SMYD3: variants seen among roughly 807,000 people sequenced by gnomAD.
The protein encoded by SMYD3 is histone-lysine N-methyltransferase SMYD3.
Under a neutral mutation model 57.7 loss-of-function variants are expected in SMYD3, and 36 were observed. That is an observed-to-expected ratio of 0.62 (90% CI 0.48 to 0.82). The LOEUF is 0.82. Ranked by LOEUF, SMYD3 falls within the 40% of genes least tolerant of loss-of-function variation. The probability of loss-of-function intolerance (pLI) is 0.00; values close to 1 mark genes in which losing one functional copy is unlikely to be tolerated. For missense variants in SMYD3, 515 were observed against 538.8 expected (o/e 0.96, Z 0.44); for synonymous variants, 211 against 195.0 (o/e 1.08, Z -0.68).
chr1:246,171,575 C>T (rs1423313825), intron 5 of SMYD3, among the ~76,000 whole-genome samples: 1 of 151,846 alleles, frequency 6.6e-6, no homozygotes, highest in Non-Finnish European at 1.5e-5. Flanking sequence ...TACTACACAC[C>T]TGGGCTACAT....
At chr1:246,219,893 G>T (rs1410031699) in intron 5 of SMYD3, among the ~76,000 whole-genome samples, 1 of 152,088 alleles carries the variant, frequency 6.6e-6, no homozygotes. Flanking sequence ...TGCTGGTGCC[G>T]TAGTGGCTGG....
chr1:246,473,869 T>A (rs2067992610), intron 1 of SMYD3, among the ~76,000 whole-genome samples: 1 of 152,176 alleles, frequency 6.6e-6, no homozygotes, highest in African/African-American at 2.4e-5. Flanking sequence ...CAAATGAGGT[T>A]TGTCTTTGTT....
At chr1:246,378,853 T>TATATATATACTATATAATTA (rs2066337987) in intron 1 of SMYD3, among the ~76,000 whole-genome samples, 2 of 121,916 alleles carry the variant, frequency 1.6e-5, no homozygotes, top group Non-Finnish European at 3.3e-5. Flanking sequence ...TATAATATAT[T>TATATATATACTATATAATTA]TATATAGTAT....
intron 11 of SMYD3, among the ~76,000 whole-genome samples, chr1:245,754,765 A>T (rs1476318305): frequency 3.3e-5 from 5 of 152,226 alleles, no homozygotes; most frequent in Non-Finnish European, 4.4e-5. Flanking sequence ...CATTCACTCA[A>T]TACTGTCTGA....
At chr1:245,852,666 T>G (rs1471836678) in intron 10 of SMYD3, among the ~76,000 whole-genome samples, 1 of 152,178 alleles carries the variant, frequency 6.6e-6, no homozygotes, top group African/African-American at 2.4e-5. Flanking sequence ...TTCTTCATCT[T>G]CCCTCTTTCT....
intron 5 of SMYD3, among the ~76,000 whole-genome samples, chr1:245,953,709 G>A (rs2057739775): frequency 6.6e-6 from 1 of 152,036 alleles, no homozygotes; most frequent in African/African-American, 2.4e-5. Context: ...ATGAGCCACC[G>A]TGCCTGGCCA....
intron 5 of SMYD3, among the ~76,000 whole-genome samples, chr1:246,041,847 C>T (rs986897388): frequency 2.0e-5 from 3 of 151,860 alleles, no homozygotes; most frequent in Non-Finnish European, 2.9e-5. Flanking sequence ...TAAATACATA[C>T]GCTTTAATCA....
intron 5 of SMYD3, among the ~76,000 whole-genome samples, chr1:246,124,119 G>T (rs1443833037): frequency 6.6e-6 from 1 of 152,154 alleles, no homozygotes; most frequent in African/African-American, 2.4e-5. Context: ...TTGAATTAAT[G>T]ATGAATTATC....
rs112580989 is a variant in SMYD3, at chr1:245,846,837, C to A, written c.1076+11659G>T. Reference sequence around the variant, plus strand: ...TGATTGTTGAATCCAGTTTATCTCACGTTGGGAGGACATTACGGTGCTATT... The same window carrying A: ...TGATTGTTGAATCCAGTTTATCTCAAGTTGGGAGGACATTACGGTGCTATT... On this transcript the variant is annotated intron_variant, in intron 10 of 11. Transcript: ENST00000490107. 3.3e-5 allele frequency among the ~76,000 whole-genome samples: 5 copies of A among 152,186 alleles called. No individual in the cohort carries two copies. In the East Asian group the frequency reaches 9.6e-4, roughly 29 times the overall value.
intron 2 of SMYD3, among the ~76,000 whole-genome samples, chr1:246,348,060 T>TCATATATATATATATATATATATA (rs1173574600): frequency 1.2e-5 from 1 of 82,976 alleles, no homozygotes; most frequent in Admixed American, 1.5e-4. Context: ...AAAGAAAACG[T>TCATATATATATATATATATATATA]TATATATATA....
rs546934998 is a variant in SMYD3 at position 246,078,398 on chromosome 1, C to T, written c.532-148461G>A. ...CCCCAACCAGGCCACTTTTAGGCACCGTGATAAGGAAGGCTTCTTCTGTTT... is the reference window on the plus strand; with the variant it reads ...CCCCAACCAGGCCACTTTTAGGCACTGTGATAAGGAAGGCTTCTTCTGTTT... On this transcript the variant is annotated intron_variant, in intron 5 of 11. Transcript: ENST00000490107. Among the ~76,000 whole-genome samples, 5 of 152,154 alleles carry T rather than the reference C, an allele frequency of 3.3e-5. No homozygotes were observed. The South Asian group carries it at 8.3e-4, about 25-fold the overall frequency.
At chr1:245,986,070 A>G (rs1336674739) in intron 5 of SMYD3, among the ~76,000 whole-genome samples, 1 of 152,238 alleles carries the variant, frequency 6.6e-6, no homozygotes, top group East Asian at 1.9e-4. Context: ...GCAGTAGAGT[A>G]AGCGAGTCTA....
chr1:246,084,038 C>T (rs1289695216), intron 5 of SMYD3, among the ~76,000 whole-genome samples: 2 of 151,840 alleles, frequency 1.3e-5, no homozygotes, highest in Non-Finnish European at 2.9e-5. Context: ...TATTGTTTGG[C>T]TTACTACTTA....
At chr1:246,311,602 C>A (rs933004380) in intron 5 of SMYD3, among the ~76,000 whole-genome samples, 2 of 152,032 alleles carry the variant, frequency 1.3e-5, no homozygotes, top group African/African-American at 4.8e-5. Flanking sequence ...TTAGGAACCA[C>A]CCTCCTTGAA....
intron 9 of SMYD3, among the ~76,000 whole-genome samples, chr1:245,862,725 T>C (rs2051621686): frequency 6.6e-6 from 1 of 152,240 alleles, no homozygotes; most frequent in African/African-American, 2.4e-5. Context: ...TAACATCTAA[T>C]GTAAGTTTCT....
chr1:246,008,754 T>G (rs1328788681), intron 5 of SMYD3, among the ~76,000 whole-genome samples: 2 of 152,210 alleles, frequency 1.3e-5, no homozygotes, highest in Middle Eastern at 3.2e-3. Context: ...CGTTTTTTCA[T>G]GCTGCCAAAG....
At chr1:246,059,039 T>C (rs760682555) in intron 5 of SMYD3, among the ~76,000 whole-genome samples, 5 of 152,104 alleles carry the variant, frequency 3.3e-5, no homozygotes, top group Non-Finnish European at 5.9e-5. Context: ...CATGCCCGGC[T>C]AAATTTTTTT....
At chr1:246,101,137 C>T (rs908486392) in intron 5 of SMYD3, among the ~76,000 whole-genome samples, 1 of 126,286 alleles carries the variant, frequency 7.9e-6, no homozygotes, top group Admixed American at 1.0e-4. Context: ...AAGTTCTGTC[C>T]ACAGTTACCT....
At chr1:245,913,547 T>C (rs2055177453) in intron 8 of SMYD3, among the ~76,000 whole-genome samples, 2 of 149,458 alleles carry the variant, frequency 1.3e-5, no homozygotes, top group Admixed American at 1.3e-4. Context: ...GGGAAACACT[T>C]CAGAACATTG....
Sources: gnomAD v4.1 joint callset for allele counts (sites outside exome capture counted in the v4.1 genomes callset) on GRCh38, gnomAD v4.1.1 for gene constraint, MANE v1.5 for transcripts, NCBI Gene and HGNC (gene_info 2026-07-23, HGNC 2026-07-21) for gene names.